The following ABCC3 variants were observed in gnomAD, a reference collection of about 807,000 sequenced individuals.
The protein encoded by ABCC3 is ATP binding cassette subfamily C member 3, also known as ATP-binding cassette sub-family C member 3.
ABCC3 carries 121 observed loss-of-function variants against 165.3 expected under a neutral mutation model. That is an observed-to-expected ratio of 0.73 (90% CI 0.63 to 0.85). The LOEUF is 0.85. Ranked by LOEUF, ABCC3 falls within the 40% of genes least tolerant of loss-of-function variation. ABCC3 has a pLI of 0.00. For synonymous variants in ABCC3, 733 were observed against 810.1 expected (o/e 0.90, Z 1.62); for missense variants, 1,869 against 1,964.1 (o/e 0.95, Z 0.92).
At chr17:50,669,625 G>A (rs143477851) in intron 17 of ABCC3, 97 bp downstream of exon 17, 29,069 of 1,339,496 alleles carry the variant, frequency 0.022, 419 homozygotes, top group Non-Finnish European at 0.025. Context: ...TTCACACATT[G>A]GTGTAACGTT....
Position 50,664,006 on chromosome 17 carries a change from C to T in ABCC3, c.1233C>T (p.Asn411=). 3.1e-6 allele frequency: 5 copies of T among 1,614,134 alleles called. No homozygotes were observed. The highest frequency in any genetic ancestry group is 4.2e-6 in the Non-Finnish European group (5 of 1,179,976). The change falls in exon 10 of 31, where the codon AAC becomes AAT. Residue 411 remains asparagine, a synonymous_variant. Transcript: ENST00000285238. ...KRASTVGEIV[N]LMSVDAQRFM... Reference sequence around the variant, plus strand: ...CGTCCACTGTGGGGGAAATTGTCAACCTCATGTCAGTGGATGCCCAGCGCT... The same window carrying T: ...CGTCCACTGTGGGGGAAATTGTCAATCTCATGTCAGTGGATGCCCAGCGCT...
intron 11 of ABCC3, among the ~76,000 whole-genome samples, chr17:50,666,722 C>T (rs998152097): frequency 1.3e-5 from 2 of 152,170 alleles, no homozygotes; most frequent in East Asian, 1.9e-4. Flanking sequence ...TACACGTAGC[C>T]CATGGCCTGG....
chr17:50,655,404 CAA>C (rs58586394), intron 1 of ABCC3, among the ~76,000 whole-genome samples: 3 of 56,530 alleles, frequency 5.3e-5, no homozygotes, highest in Admixed American at 2.6e-4. Flanking sequence ...GACTCTGTCT[CAA>C]AAAAAAAAAA....
At chr17:50,685,263 T>G (rs2146644805) in intron 29 of ABCC3, among the ~76,000 whole-genome samples, 1 of 152,334 alleles carries the variant, frequency 6.6e-6, no homozygotes, top group East Asian at 1.9e-4. Flanking sequence ...CCTCAGCCAC[T>G]GGGCTATGCA....
chr17:50,648,263 GAAC>G (rs1967042095), intron 1 of ABCC3, among the ~76,000 whole-genome samples: 1 of 152,174 alleles, frequency 6.6e-6, no homozygotes, highest in Non-Finnish European at 1.5e-5. Context: ...ACACAGCAGA[GAAC>G]AACTGAAACC....
intron 8 of ABCC3, 132 bp from the exon 9 acceptor site, chr17:50,663,549 A>G: frequency 9.4e-7 from 1 of 1,068,970 alleles, no homozygotes; most frequent in South Asian, 1.5e-5. Flanking sequence ...CCCTGGCCCA[A>G]GAGGTTGGAG....
rs1359288118 is a variant in ABCC3, at chr17:50,691,325, A to G, written c.*125A>G. On this transcript the variant is annotated 3_prime_UTR_variant, in exon 31 of 31. Transcript: ENST00000285238. The stretch of plus-strand genomic sequence containing the variant: ...GGGCACCTTAAGATTTTGCACCTGT[A>G]AAGTGCCTTACAGGGTAACTGTGCT... The G allele has an allele frequency of 1.4e-6, 1 of 713,384 alleles. No homozygotes were observed. The highest frequency in any genetic ancestry group is 2.5e-6 in the Non-Finnish European group (1 of 405,442). 44.2% of individuals were successfully genotyped at this position (713,384 alleles called of 1,614,324 possible).
At chr17:50,661,155 A>G in intron 8 of ABCC3, 41 bp downstream of exon 8, 1 of 1,525,498 alleles carries the variant, frequency 6.6e-7, no homozygotes. Flanking sequence ...TGCCCTGGGC[A>G]GCAGGGCTGG....
rs536448036 is a variant in ABCC3, at chr17:50,651,630, C to T, written c.46-4202C>T. Among the ~76,000 whole-genome samples the T allele has an allele frequency of 6.0e-4, 92 of 152,192 alleles. 1 individual carries two copies. In the South Asian group the frequency reaches 0.016, roughly 27 times the overall value. On this transcript the variant is annotated intron_variant, in intron 1 of 30. Transcript: ENST00000285238. ...CCCAGATACTTTGGCGGGGCTGAGG[C>T]GGGAGGATTGCTTGAGCCCAGGAGG... is the stretch of plus-strand genomic sequence containing the variant.
intron 1 of ABCC3, among the ~76,000 whole-genome samples, chr17:50,648,739 T>C (rs1967052899): frequency 6.6e-6 from 1 of 152,084 alleles, no homozygotes; most frequent in Non-Finnish European, 1.5e-5. Flanking sequence ...CCAGATCCAG[T>C]CCCAAATCCA....
intron 8 of ABCC3, 34 bp downstream of exon 8, chr17:50,661,148 C>T (rs1967375248): frequency 6.5e-7 from 1 of 1,547,850 alleles, no homozygotes; most frequent in Non-Finnish European, 8.8e-7. Context: ...ATAGCCCTGC[C>T]CTGGGCAGCA....
At chr17:50,655,464 G>C (rs1299232091) in intron 1 of ABCC3, among the ~76,000 whole-genome samples, 1 of 128,198 alleles carries the variant, frequency 7.8e-6, no homozygotes, top group Admixed American at 7.9e-5. Context: ...ATGATAGAAA[G>C]AAAATGAGCC....
intron 19 of ABCC3, among the ~76,000 whole-genome samples, chr17:50,673,932 C>CTTTCTTTCTT (rs1967711940): frequency 6.7e-5 from 1 of 14,952 alleles, no homozygotes; most frequent in Non-Finnish European, 1.3e-4. Flanking sequence ...TTCTTTCTTT[C>CTTTCTTTCTT]TTTCTTTCTT....
In ABCC3 at chr17:50,656,759, G is replaced by A; in HGVS notation, c.280G>A (p.Gly94Ser). The change falls in exon 3 of 31, where the codon GGC becomes AGC. Residue 94 changes from glycine (G) to serine (S), a missense_variant. Coordinates refer to ENST00000285238, the MANE Select transcript of ABCC3 (RefSeq NM_003786.4). ...SWADLFYSFH[G>S]LVHGRAPAPV... ...GGCGGACCTTTTTTACTCCTTCCAT[G>A]GCCTGGTCCATGGCCGGGCCCCTGC... 6.2e-7 allele frequency: 1 copy of A among 1,614,024 alleles called. No individual in the cohort carries two copies. Among genetic ancestry groups the A allele is most frequent in the Non-Finnish European group, 8.5e-7 (1 of 1,179,978 alleles).
chr17:50,639,677 TG>T (rs2054209830), intron 1 of ABCC3, among the ~76,000 whole-genome samples: 1 of 151,994 alleles, frequency 6.6e-6, no homozygotes, highest in Non-Finnish European at 1.5e-5. Context: ...TTTCTGTTTC[TG>T]GTACTGCGGT....
At position 50,683,654 on chromosome 17, in the gene ABCC3, C is replaced by A; in HGVS notation, c.3852C>A (p.Pro1284=). The A allele has an allele frequency of 6.2e-7, 1 of 1,600,512 alleles. No individual in the cohort carries two copies. Among genetic ancestry groups the A allele is most frequent in the Non-Finnish European group, 8.5e-7 (1 of 1,173,258 alleles). The stretch of plus-strand genomic sequence containing the variant: ...GCAGCCGCCCTCCCGAAGGTTGGCC[C>A]CCACGTGGGGAGGTGGAGTTCCGGA... The part of the protein sequence containing the change: ...VEGSRPPEGW[P]PRGEVEFRNY... Residue 1284 remains proline (P), a synonymous_variant, in exon 27 of 31, where the codon CCC becomes CCA. Transcript: ENST00000285238.
intron 1 of ABCC3, among the ~76,000 whole-genome samples, chr17:50,637,751 T>C (rs9891165): frequency 0.055 from 8,448 of 152,220 alleles, 796 homozygotes; most frequent in African/African-American, 0.19. Flanking sequence ...AACTAAGAAG[T>C]TTTCTATGGG....
chr17:50,668,079 T>C, intron 13 of ABCC3, 70 bp downstream of exon 13: 1 of 1,335,616 alleles, frequency 7.5e-7, no homozygotes, highest in Non-Finnish European at 1.1e-6. Context: ...AAGGGTCACT[T>C]AGGGCAAGGG....
At chr17:50,648,853 G>A (rs866844656) in intron 1 of ABCC3, among the ~76,000 whole-genome samples, 3 of 152,160 alleles carry the variant, frequency 2.0e-5, no homozygotes, top group African/African-American at 7.2e-5. Context: ...AGTGACTCAC[G>A]CCTGTAATCC....
Sources: gnomAD v4.1 joint callset for allele counts (sites outside exome capture counted in the v4.1 genomes callset) on GRCh38, gnomAD v4.1.1 for gene constraint, MANE v1.5 for transcripts, NCBI Gene and HGNC (gene_info 2026-07-23, HGNC 2026-07-21) for gene names.